The following UBIAD1 variants were observed in gnomAD, a reference collection of about 807,000 sequenced individuals.
UBIAD1 encodes the protein ubiA prenyltransferase domain-containing protein 1.
A neutral mutation model predicts 20.1 loss-of-function variants in UBIAD1; 12 were observed. The observed-to-expected ratio is 0.60, with a 90% confidence interval of 0.38 to 0.97. The LOEUF is 0.97. UBIAD1 is among the 50% of genes least tolerant of loss of function. The pLI, the probability that UBIAD1 is intolerant of heterozygous loss-of-function variation, is 0.00. For synonymous variants in UBIAD1, 207 were observed against 189.2 expected (o/e 1.09, Z -0.77); for missense variants, 333 against 419.5 (o/e 0.79, Z 1.80).
chr1:11,273,300 G>A lies in UBIAD1; in HGVS notation c.-232G>A. On this transcript the variant is annotated 5_prime_UTR_variant, in exon 1 of 2. Transcript: ENST00000376810. This position sits in a 1 kb window ranked among gnomAD's most constrained non-coding sequence, Gnocchi z 4.9. ...CGTGGGCTCTAACGCGGGGCTGGGG[G>A]CCGGAGACAGACTTCGCCCAGGTGA... 5.2e-6 allele frequency: 3 copies of A among 581,726 alleles called. No individual in the cohort carries two copies. The South Asian group carries it at 5.9e-5, about 12-fold the overall frequency. The allele number at this position is 581,726 out of a possible 1,614,324, so 36.0% of individuals were successfully genotyped here. A position where few individuals can be genotyped will look rare whatever the true frequency, so the allele number is the denominator to read the frequency against.
At chr1:11,280,091 G>T (rs1652192068) in intron 1 of UBIAD1, among the ~76,000 whole-genome samples, 2 of 152,204 alleles carry the variant, frequency 1.3e-5, no homozygotes, top group Admixed American at 1.3e-4. Flanking sequence ...GAAGGGAAGA[G>T]GCTGTCTTTG....
chr1:11,282,730 T>A (rs75947961), intron 1 of UBIAD1, among the ~76,000 whole-genome samples: 2 of 146,842 alleles, frequency 1.4e-5, no homozygotes, highest in Non-Finnish European at 3.0e-5. Context: ...GCCCGGCTAA[T>A]TTTTTTTTGT....
chr1:11,273,493 G>A lies in UBIAD1; in HGVS notation c.-39G>A, dbSNP rs972931919. On this transcript the variant is annotated 5_prime_UTR_variant, in exon 1 of 2. Transcript: ENST00000376810. The surrounding 1 kb of genome is among the most constrained non-coding windows in gnomAD (Gnocchi z 4.9). The stretch of plus-strand genomic sequence containing the variant: ...CCTTCCCGGGCGGTCACTGTGCGTG[G>A]CTCACTTTTAGAGTTTACTTCAACC... 6 of 1,609,302 alleles carry A rather than the reference G, an allele frequency of 3.7e-6. No individual in the cohort carries two copies. Among genetic ancestry groups the A allele is most frequent in the Non-Finnish European group, 5.1e-6 (6 of 1,179,924 alleles).
chr1:11,283,665 A>C (rs1652318329), intron 1 of UBIAD1, among the ~76,000 whole-genome samples: 1 of 152,050 alleles, frequency 6.6e-6, no homozygotes, highest in African/African-American at 2.4e-5. Context: ...TGTATTTAGC[A>C]CCAAGGGACC....
chr1:11,285,651 A>T lies in UBIAD1; in HGVS notation c.537A>T (p.Gly179=). The change falls in exon 2 of 2, where the codon GGA becomes GGT. Residue 179 remains glycine (G), a synonymous_variant. Transcript: ENST00000376810. This position sits in a 1 kb window ranked among gnomAD's most constrained non-coding sequence, Gnocchi z 4.4. ...SGSFLYTGGI[G]FKYVALGDLI... ...TGGATTTTCTGGCCGCAGGAATTGG[A>T]TTCAAGTACGTGGCTCTGGGAGACC... 2 of 1,614,096 alleles carry T rather than the reference A, an allele frequency of 1.2e-6. No homozygotes were observed.
In UBIAD1 at chr1:11,273,915, G is replaced by C. The variant is rs965233798; in HGVS notation, c.384G>C (p.Pro128=). 1.2e-6 allele frequency: 2 copies of C among 1,614,114 alleles called. No individual in the cohort carries two copies. The highest frequency in any genetic ancestry group is 2.7e-5 in the African/African-American group (2 of 74,948). The change falls in exon 1 of 2, where the codon CCG becomes CCC. Residue 128 remains proline (P), a synonymous_variant. Transcript: ENST00000376810. This position sits in a 1 kb window ranked among gnomAD's most constrained non-coding sequence, Gnocchi z 4.9. ...DRTLVDRILE[P]QDVVRFGVFL... is the part of the protein sequence containing the mutation. Reference sequence around the variant, plus strand: ...CACTTGTGGACCGAATCTTGGAGCCGCAGGATGTCGTCCGGTTCGGAGTCT... The same window carrying C: ...CACTTGTGGACCGAATCTTGGAGCCCCAGGATGTCGTCCGGTTCGGAGTCT...
chr1:11,275,446 A>G (rs951758537), intron 1 of UBIAD1, among the ~76,000 whole-genome samples: 8 of 152,168 alleles, frequency 5.3e-5, no homozygotes, highest in Non-Finnish European at 1.0e-4. Flanking sequence ...GCTTCATCAA[A>G]AAGGTAACAT....
downstream of UBIAD1, among the ~76,000 whole-genome samples, chr1:11,298,810 A>G (rs1261810767): frequency 6.6e-6 from 1 of 151,216 alleles, no homozygotes; most frequent in Admixed American, 6.6e-5. This position sits in a 1 kb window ranked among gnomAD's most constrained non-coding sequence, Gnocchi z 4.0. Context: ...CAAGGAGGAT[A>G]AGGGGAAACC....
rs781342604 is a variant in UBIAD1 at position 11,274,019 on chromosome 1, T to C, written c.488T>C (p.Ile163Thr). The C allele has an allele frequency of 8.7e-6, 14 of 1,614,154 alleles. No homozygotes were observed. The highest frequency in any genetic ancestry group is 2.7e-5 in the African/African-American group (2 of 75,036). ...CTGAAACTGGAGCACTTGGCTCTTA[T>C]CTACTTTGGAGGCCTGTCTGGCTCC... is the stretch of plus-strand genomic sequence containing the variant. ...SPLKLEHLAL[I>T]YFGGLSGSFL... Residue 163 changes from isoleucine (I) to threonine (T), a missense_variant, in exon 1 of 2, where the codon ATC becomes ACC. Physicochemically the swap from Ile to Thr is moderately conservative, Grantham distance 89. Around this residue, in one of 3 missense-constraint regions of UBIAD1, gnomAD observed 226 missense variants for 263.5 expected, o/e 0.86. Coordinates refer to ENST00000376810, the MANE Select transcript of UBIAD1 (RefSeq NM_013319.3).
At chr1:11,295,101 G>T in exon 2 of UBIAD1, 1 of 609,636 alleles carries the variant, frequency 1.6e-6, no homozygotes, top group South Asian at 1.9e-5. Flanking sequence ...GGTTCAGTGT[G>T]CTGTGTGGAG....
chr1:11,284,845 G>C (rs1307436280), intron 1 of UBIAD1, among the ~76,000 whole-genome samples: 1 of 152,152 alleles, frequency 6.6e-6, no homozygotes, highest in Admixed American at 6.5e-5. Context: ...GGGGTTATGA[G>C]AGGGGAAGCT....
At chr1:11,294,870 C>T in intron 1 of UBIAD1, 5 of 717,474 alleles carry the variant, frequency 7.0e-6, no homozygotes, top group Non-Finnish European at 1.0e-5. Context: ...TCGTCTCTTC[C>T]AGTCCTCATC....
At chr1:11,297,509 A>T (rs185455692), downstream of UBIAD1, among the ~76,000 whole-genome samples, 13 of 151,246 alleles carry the variant, frequency 8.6e-5, no homozygotes, top group East Asian at 2.5e-3. Context: ...GGGGGTGTCC[A>T]TTTGGTGATT....
rs1481677872 is a variant in UBIAD1 at position 11,288,101 on chromosome 1, C to T, written c.*1970C>T. On this transcript the variant is annotated 3_prime_UTR_variant, in exon 2 of 2. Transcript: ENST00000376810. ...AGCACCATTTTTGTTTCACACCAGG[C>T]TTGTGGCATTTTGGTGCTCACAGGG... The T allele has an allele frequency of 6.6e-6, 1 of 152,190 alleles. No homozygotes were observed. The highest frequency in any genetic ancestry group is 2.4e-5 in the African/African-American group (1 of 41,458). The allele number at this position is 152,190 out of a possible 1,614,324, so 9.4% of individuals were successfully genotyped here. A position where few individuals can be genotyped will look rare whatever the true frequency, so the allele number is the denominator to read the frequency against.
chr1:11,275,524 T>C (rs1187559200), intron 1 of UBIAD1, among the ~76,000 whole-genome samples: 1 of 152,144 alleles, frequency 6.6e-6, no homozygotes. Context: ...GAGGATCGCT[T>C]GAGGCCAGGA....
Position 11,283,592 on chromosome 1 carries a change from G to T in UBIAD1, c.530-2052G>T, listed in dbSNP as rs565950888. On this transcript the variant is annotated intron_variant, in intron 1 of 1. Coordinates refer to ENST00000376810, the MANE Select transcript of UBIAD1 (RefSeq NM_013319.3). ...GAATTAGCTTGCTGAATGTTGAAGAGTGTCAGTGGCCATGCCTTAATGCCC... is the reference window on the plus strand; with the variant it reads ...GAATTAGCTTGCTGAATGTTGAAGATTGTCAGTGGCCATGCCTTAATGCCC... Among the ~76,000 whole-genome samples the T allele has an allele frequency of 3.9e-5, 6 of 152,270 alleles. No individual in the cohort carries two copies. In the South Asian group the frequency reaches 6.2e-4, roughly 16 times the overall value.
At chr1:11,280,120 T>C (rs904821560) in intron 1 of UBIAD1, among the ~76,000 whole-genome samples, 15 of 152,162 alleles carry the variant, frequency 9.9e-5, no homozygotes, top group Admixed American at 3.9e-4. Context: ...ACGTTCAAAC[T>C]AGGACTTGAA....
intron 1 of UBIAD1, among the ~76,000 whole-genome samples, chr1:11,283,362 T>G (rs1208551394): frequency 6.6e-6 from 1 of 152,128 alleles, no homozygotes; most frequent in Non-Finnish European, 1.5e-5. Flanking sequence ...CTGCCCAGCA[T>G]CATCTTTGCG....
At position 11,288,304 on chromosome 1, in the gene UBIAD1, T is replaced by C. The variant is rs1296943105; in HGVS notation, c.*2173T>C. The stretch of plus-strand genomic sequence containing the variant: ...GGATTTTAATGCATATTTTTATATA[T>C]AAATGTTCCCAAAGGCCAAATTTGT... On this transcript the variant is annotated 3_prime_UTR_variant, in exon 2 of 2. Coordinates refer to ENST00000376810, the MANE Select transcript of UBIAD1 (RefSeq NM_013319.3). 1 of 152,224 alleles carries C rather than the reference T, an allele frequency of 6.6e-6. No individual in the cohort carries two copies. The highest frequency in any genetic ancestry group is 2.4e-5 in the African/African-American group (1 of 41,456). The allele number at this position is 152,224 out of a possible 1,614,324, so 9.4% of individuals were successfully genotyped here. A position where few individuals can be genotyped will look rare whatever the true frequency, so the allele number is the denominator to read the frequency against.
Sources: gnomAD v4.1 joint callset for allele counts (sites outside exome capture counted in the v4.1 genomes callset) on GRCh38, gnomAD v4.1.1 for gene constraint, gnomAD v4.1.1 regional missense constraint, Gnocchi (gnomAD v3.1) non-coding constraint, MANE v1.5 for transcripts, NCBI Gene and HGNC (gene_info 2026-07-23, HGNC 2026-07-21) for gene names.